The following PLCB1 variants were observed in gnomAD, a reference collection of about 807,000 sequenced individuals.
PLCB1 encodes phospholipase C beta 1, also known as 1-phosphatidylinositol 4,5-bisphosphate phosphodiesterase beta-1.
A neutral mutation model predicts 161.8 loss-of-function variants in PLCB1; 46 were observed. The ratio of observed to expected loss-of-function variants is 0.28; its 90% CI spans 0.22 to 0.36. PLCB1 has a LOEUF of 0.36. PLCB1 is among the 10% of genes least tolerant of loss of function. PLCB1 has a pLI of 1.00. For missense variants in PLCB1, 1,016 were observed against 1,472.5 expected, an observed-to-expected ratio of 0.69 and a Z score of 5.07; for synonymous variants, 517 against 503.7, an observed-to-expected ratio of 1.03 and a Z score of -0.35.
chr20:8,645,883 A>T (rs1377004989), intron 4 of PLCB1, among the ~76,000 whole-genome samples: 3 of 152,196 alleles, frequency 2.0e-5, no homozygotes, highest in Non-Finnish European at 4.4e-5. Context: ...AAAAACCTTT[A>T]TGTACAAAGA....
chr20:8,296,200 G>A (rs1309739154), intron 2 of PLCB1, among the ~76,000 whole-genome samples: 4 of 152,138 alleles, frequency 2.6e-5, no homozygotes, highest in Non-Finnish European at 5.9e-5. Context: ...ACCTAATTAT[G>A]TCTTGCTGTA....
rs748400396 is a variant in PLCB1, at chr20:8,727,334, T to G, written c.1704T>G (p.Ser568=). 1 of 1,603,834 alleles carries G rather than the reference T, an allele frequency of 6.2e-7. No individual in the cohort carries two copies. Residue 568 remains serine, a synonymous_variant, in exon 17 of 32, where the codon TCT becomes TCG. Coordinates refer to ENST00000338037, the MANE Select transcript of PLCB1 (RefSeq NM_015192.4). The part of the protein sequence containing the change: ...SKKRNKSFEM[S]SFVETKGLEQ... ...AAAGAAATAAAAGTTTTGAAATGTCTTCCTTCGTGGAAACCAAAGGACTTG... is the reference window on the plus strand; with the variant it reads ...AAAGAAATAAAAGTTTTGAAATGTCGTCCTTCGTGGAAACCAAAGGACTTG...
chr20:8,633,800 C>T (rs1239996643), intron 4 of PLCB1, among the ~76,000 whole-genome samples: 1 of 152,164 alleles, frequency 6.6e-6, no homozygotes, highest in Non-Finnish European at 1.5e-5. Context: ...ATCCACCCTA[C>T]TAACACCTCT....
chr20:8,525,410 C>T (rs1984544100), intron 3 of PLCB1, among the ~76,000 whole-genome samples: 1 of 152,142 alleles, frequency 6.6e-6, no homozygotes, highest in Non-Finnish European at 1.5e-5. Flanking sequence ...TATCTGTCAG[C>T]ATGGCAATAT....
intron 31 of PLCB1, among the ~76,000 whole-genome samples, chr20:8,814,593 G>GTGTA (rs1223298193): frequency 6.6e-6 from 1 of 151,746 alleles, no homozygotes; most frequent in African/African-American, 2.4e-5. Context: ...GTGTGTGTGT[G>GTGTA]TGTGTGTGTG....
At chr20:8,464,915 T>A (rs1365094036) in intron 3 of PLCB1, among the ~76,000 whole-genome samples, 1 of 152,172 alleles carries the variant, frequency 6.6e-6, no homozygotes, top group Non-Finnish European at 1.5e-5. Flanking sequence ...CAACATCCAT[T>A]GGTTTTTAAT....
chr20:8,833,634 T>A (rs1186678828), intron 31 of PLCB1, among the ~76,000 whole-genome samples: 2 of 152,110 alleles, frequency 1.3e-5, no homozygotes, highest in Non-Finnish European at 2.9e-5. Flanking sequence ...TACTAGGAAG[T>A]GAATGAAGCA....
intron 3 of PLCB1, among the ~76,000 whole-genome samples, chr20:8,379,786 T>A (rs1037165451): frequency 6.6e-6 from 1 of 152,242 alleles, no homozygotes; most frequent in Non-Finnish European, 1.5e-5. Flanking sequence ...TTTGCCCACT[T>A]TTTGATGGTG....
chr20:8,346,073 T>C (rs1275290151), intron 2 of PLCB1, among the ~76,000 whole-genome samples: 2 of 152,210 alleles, frequency 1.3e-5, no homozygotes, highest in African/African-American at 4.8e-5. Flanking sequence ...TTTTATAGTG[T>C]ACCAGATTTC....
chr20:8,881,713 A>T lies in PLCB1; in HGVS notation c.3515A>T (p.Lys1172Met), dbSNP rs776000253. The T allele has an allele frequency of 6.2e-7, 1 of 1,614,088 alleles. No individual in the cohort carries two copies. Among genetic ancestry groups the T allele is most frequent in the Non-Finnish European group, 8.5e-7 (1 of 1,179,988 alleles). ...LEFVQEAMKG[K>M]ISEDSNHGSA... ...TTCGTGCAGGAAGCCATGAAAGGAA[A>T]GATCAGTGAAGACAGCAATCACGGT... The change falls in exon 32 of 32, where the codon AAG becomes ATG. Residue 1172 changes from lysine (K) to methionine (M), a missense_variant. Lys to Met is a moderately conservative substitution (Grantham distance 95). Around this residue, in one of 10 missense-constraint regions of PLCB1, gnomAD observed 398 missense variants for 445.4 expected, o/e 0.89. Coordinates refer to ENST00000338037, the MANE Select transcript of PLCB1 (RefSeq NM_015192.4).
At chr20:8,336,319 G>A (rs950873027) in intron 2 of PLCB1, among the ~76,000 whole-genome samples, 2 of 152,078 alleles carry the variant, frequency 1.3e-5, no homozygotes, top group African/African-American at 4.8e-5. Flanking sequence ...TTTAAGAATA[G>A]TTTTACAAAA....
At chr20:8,786,798 G>A (rs1158012340) in intron 27 of PLCB1, among the ~76,000 whole-genome samples, 1 of 151,546 alleles carries the variant, frequency 6.6e-6, no homozygotes, top group Non-Finnish European at 1.5e-5. Flanking sequence ...CCACCTCCCG[G>A]ATTCAAGTGA....
At chr20:8,287,346 G>A (rs558337754) in intron 2 of PLCB1, among the ~76,000 whole-genome samples, 27 of 152,184 alleles carry the variant, frequency 1.8e-4, no homozygotes, top group African/African-American at 5.5e-4. Context: ...CTGGGATCAC[G>A]AATATTTAAT....
intron 3 of PLCB1, among the ~76,000 whole-genome samples, chr20:8,577,784 C>T (rs1441286635): frequency 1.3e-5 from 2 of 152,114 alleles, no homozygotes; most frequent in Non-Finnish European, 2.9e-5. Context: ...TTATTTTTCT[C>T]CCCTTTCTGT....
intron 3 of PLCB1, among the ~76,000 whole-genome samples, chr20:8,406,065 GTA>G (rs932112663): frequency 1.3e-5 from 2 of 151,018 alleles, no homozygotes; most frequent in African/African-American, 4.9e-5. Flanking sequence ...ATCATTGCCT[GTA>G]TGTGTGATGG....
chr20:8,470,873 T>C (rs190403557), intron 3 of PLCB1, among the ~76,000 whole-genome samples: 14 of 152,328 alleles, frequency 9.2e-5, no homozygotes, highest in African/African-American at 3.4e-4. Flanking sequence ...TTGGTCTTGT[T>C]TTGTTTGATT....
chr20:8,368,516 G>A (rs1986792234), intron 2 of PLCB1, among the ~76,000 whole-genome samples: 1 of 112,848 alleles, frequency 8.9e-6, no homozygotes, highest in Admixed American at 1.2e-4. Flanking sequence ...GATGGAGTGA[G>A]ACTCTGTCTC....
chr20:8,137,759 C>G (rs1260144687), intron 1 of PLCB1, among the ~76,000 whole-genome samples: 2 of 152,192 alleles, frequency 1.3e-5, no homozygotes, highest in African/African-American at 4.8e-5. Flanking sequence ...CCAGTCCCTA[C>G]GTCCCCTTCT....
intron 2 of PLCB1, among the ~76,000 whole-genome samples, chr20:8,342,468 G>C (rs1369636363): frequency 2.6e-5 from 4 of 152,174 alleles, no homozygotes; most frequent in Middle Eastern, 3.2e-3. Context: ...ATTGGCAAGG[G>C]AAAGCAGATT....
Sources: gnomAD v4.1 joint callset for allele counts (sites outside exome capture counted in the v4.1 genomes callset) on GRCh38, gnomAD v4.1.1 for gene constraint, gnomAD v4.1.1 regional missense constraint, MANE v1.5 for transcripts, NCBI Gene and HGNC (gene_info 2026-07-23, HGNC 2026-07-21) for gene names.